MARCHF11: variants seen among roughly 807,000 people sequenced by gnomAD.
MARCHF11 encodes membrane associated ring-CH-type finger 11.
MARCHF11 carries 29 observed loss-of-function variants against 37.3 expected under a neutral mutation model. The ratio of observed to expected loss-of-function variants is 0.78; its 90% CI spans 0.58 to 1.06. The LOEUF is 1.06. MARCHF11 is among the 50% of genes least tolerant of loss of function. The pLI, the probability that MARCHF11 is intolerant of heterozygous loss-of-function variation, is 0.00. For missense variants in MARCHF11, 482 were observed against 533.4 expected, an observed-to-expected ratio of 0.90 and a Z score of 0.95; for synonymous variants, 233 against 228.0, an observed-to-expected ratio of 1.02 and a Z score of -0.20.
intron 2 of MARCHF11, among the ~76,000 whole-genome samples, chr5:16,135,572 C>G (rs1737594585): frequency 6.6e-6 from 1 of 151,998 alleles, no homozygotes. Context: ...AATAATAGTA[C>G]CTTTTAAGAA....
chr5:16,118,153 T>C (rs571021542), intron 2 of MARCHF11, among the ~76,000 whole-genome samples: 13 of 152,112 alleles, frequency 8.5e-5, no homozygotes, highest in African/African-American at 2.7e-4. Context: ...CACAGAACCA[T>C]AGATGGGACG....
At chr5:16,117,724 A>G (rs1256563859) in intron 2 of MARCHF11, among the ~76,000 whole-genome samples, 1 of 152,222 alleles carries the variant, frequency 6.6e-6, no homozygotes, top group Non-Finnish European at 1.5e-5. Flanking sequence ...CCCAATCTCA[A>G]AAAAAGGCAA....
chr5:16,115,391 C>T (rs555704906), intron 2 of MARCHF11, among the ~76,000 whole-genome samples: 2 of 152,268 alleles, frequency 1.3e-5, no homozygotes, highest in Admixed American at 1.3e-4. Context: ...ATATCACAGC[C>T]TCATCAGTTT....
At chr5:16,168,472 G>A (rs1334433892) in intron 2 of MARCHF11, among the ~76,000 whole-genome samples, 2 of 152,154 alleles carry the variant, frequency 1.3e-5, no homozygotes, top group Non-Finnish European at 2.9e-5. Flanking sequence ...ATTTGAAAAT[G>A]AATTTAATAG....
At chr5:16,134,798 G>A (rs1737579592) in intron 2 of MARCHF11, among the ~76,000 whole-genome samples, 2 of 151,994 alleles carry the variant, frequency 1.3e-5, no homozygotes, top group Admixed American at 1.3e-4. Context: ...AAATCCATAT[G>A]TAAAGAATAT....
intron 2 of MARCHF11, among the ~76,000 whole-genome samples, chr5:16,150,060 A>G (rs1212856636): frequency 2.0e-5 from 3 of 149,244 alleles, no homozygotes; most frequent in East Asian, 3.9e-4. Context: ...CCTGTTGGGA[A>G]CTGAAACTTC....
intron 2 of MARCHF11, among the ~76,000 whole-genome samples, 196 bp downstream of exon 2, chr5:16,177,528 ATG>A (rs1738382273): frequency 6.6e-6 from 1 of 152,224 alleles, no homozygotes; most frequent in Admixed American, 6.5e-5. Context: ...TTCGATTAAA[ATG>A]TCTTTTGAGT....
At chr5:16,151,566 G>A (rs1488731871) in intron 2 of MARCHF11, among the ~76,000 whole-genome samples, 4 of 123,150 alleles carry the variant, frequency 3.2e-5, no homozygotes, top group East Asian at 4.5e-4. Flanking sequence ...TTGTCTCCTA[G>A]CAGAACAAAA....
At chr5:16,156,164 A>G (rs2126601280) in intron 2 of MARCHF11, among the ~76,000 whole-genome samples, 1 of 152,052 alleles carries the variant, frequency 6.6e-6, no homozygotes, top group East Asian at 1.9e-4. Context: ...TGTAAACTTA[A>G]TAACTCTATA....
At chr5:16,103,783 A>G (rs1238780269) in intron 2 of MARCHF11, among the ~76,000 whole-genome samples, 2 of 152,156 alleles carry the variant, frequency 1.3e-5, no homozygotes, top group Admixed American at 6.5e-5. Flanking sequence ...GTCATGCCGC[A>G]TAAGAATTAC....
intron 3 of MARCHF11, among the ~76,000 whole-genome samples, chr5:16,085,215 TA>T (rs1299599410): frequency 6.6e-6 from 1 of 151,482 alleles, no homozygotes; most frequent in African/African-American, 2.4e-5. Flanking sequence ...TTTTTTTTTT[TA>T]AAGTGATCCA....
intron 2 of MARCHF11, among the ~76,000 whole-genome samples, chr5:16,153,404 G>A (rs1327865389): frequency 6.6e-6 from 1 of 151,908 alleles, no homozygotes; most frequent in African/African-American, 2.4e-5. Flanking sequence ...CTTCAAATGT[G>A]GCTAACTCAA....
At chr5:16,105,840 T>C (rs560413281) in intron 2 of MARCHF11, among the ~76,000 whole-genome samples, 2 of 152,316 alleles carry the variant, frequency 1.3e-5, no homozygotes, top group South Asian at 2.1e-4. Context: ...CCCCATACTT[T>C]TGAGTTCCCC....
chr5:16,080,717 T>C (rs1736594478), intron 3 of MARCHF11, among the ~76,000 whole-genome samples: 1 of 152,332 alleles, frequency 6.6e-6, no homozygotes, highest in African/African-American at 2.4e-5. Flanking sequence ...CACCATATCT[T>C]GTGATTAATC....
At chr5:16,128,359 G>A (rs183423792) in intron 2 of MARCHF11, among the ~76,000 whole-genome samples, 1 of 152,238 alleles carries the variant, frequency 6.6e-6, no homozygotes, top group African/African-American at 2.4e-5. Flanking sequence ...ACCCAGCAGG[G>A]ATCACGTTTG....
chr5:16,102,196 A>C (rs1736968415), intron 2 of MARCHF11, among the ~76,000 whole-genome samples: 1 of 152,228 alleles, frequency 6.6e-6, no homozygotes, highest in Non-Finnish European at 1.5e-5. Context: ...TCAGTAACAG[A>C]AAAAACACAA....
intron 2 of MARCHF11, among the ~76,000 whole-genome samples, chr5:16,099,831 A>G (rs190989353): frequency 1.3e-5 from 2 of 152,282 alleles, no homozygotes; most frequent in African/African-American, 4.8e-5. Flanking sequence ...AGAGATCATC[A>G]TTTCGTTCAT....
chr5:16,122,583 T>C (rs530896934), intron 2 of MARCHF11, among the ~76,000 whole-genome samples: 25 of 152,264 alleles, frequency 1.6e-4, no homozygotes, highest in African/African-American at 6.0e-4. Flanking sequence ...AAAATAATGC[T>C]CATAACAGTT....
intron 2 of MARCHF11, among the ~76,000 whole-genome samples, chr5:16,096,894 C>T (rs773762888): frequency 6.6e-6 from 1 of 152,218 alleles, no homozygotes; most frequent in East Asian, 1.9e-4. Flanking sequence ...GAAAATAGCA[C>T]ATGCGCAGAG....
Sources: gnomAD v4.1 joint callset for allele counts (sites outside exome capture counted in the v4.1 genomes callset) on GRCh38, gnomAD v4.1.1 for gene constraint, MANE v1.5 for transcripts, NCBI Gene and HGNC (gene_info 2026-07-23, HGNC 2026-07-21) for gene names.